Variants in LRRTM4 observed in about 807,000 individuals in gnomAD.
The protein encoded by LRRTM4 is leucine rich repeat transmembrane neuronal 4, also known as leucine-rich repeat transmembrane neuronal protein 4.
LRRTM4 carries 25 observed loss-of-function variants against 47.6 expected under a neutral mutation model. The ratio of observed to expected loss-of-function variants is 0.53; its 90% CI spans 0.38 to 0.73. LRRTM4 has a LOEUF of 0.73. LRRTM4 is among the 30% of genes least tolerant of loss of function. The pLI, the probability that LRRTM4 is intolerant of heterozygous loss-of-function variation, is 0.00. For synonymous variants in LRRTM4, 311 were observed against 269.5 expected (o/e 1.15, Z -1.51); for missense variants, 638 against 713.4 (o/e 0.89, Z 1.20).
At chr2:77,334,967 T>C (rs1235526250) in intron 3 of LRRTM4, among the ~76,000 whole-genome samples, 2 of 152,228 alleles carry the variant, frequency 1.3e-5, no homozygotes, top group African/African-American at 2.4e-5. Flanking sequence ...TAGTAAATGC[T>C]AGTTTCTATT....
At chr2:77,011,531 TTGTGTGTGTG>T (rs56982328) in intron 3 of LRRTM4, among the ~76,000 whole-genome samples, 23,049 of 144,046 alleles carry the variant, frequency 0.16, 1,842 homozygotes, top group Non-Finnish European at 0.18. Context: ...GAAGAAGCAT[TTGTGTGTGTG>T]TGTGTGTGTG....
At chr2:77,138,679 A>C (rs777323692) in intron 3 of LRRTM4, among the ~76,000 whole-genome samples, 9 of 152,104 alleles carry the variant, frequency 5.9e-5, no homozygotes, top group Non-Finnish European at 1.3e-4. Context: ...TCAATGAATC[A>C]ATGAGCTCGT....
chr2:76,845,253 G>A (rs566491441), intron 3 of LRRTM4, among the ~76,000 whole-genome samples: 2 of 152,306 alleles, frequency 1.3e-5, no homozygotes, highest in African/African-American at 4.8e-5. Flanking sequence ...CACTTTGGGA[G>A]GCTGAGGTAG....
chr2:77,093,761 A>C (rs1670724200), intron 3 of LRRTM4, among the ~76,000 whole-genome samples: 1 of 152,004 alleles, frequency 6.6e-6, no homozygotes, highest in South Asian at 2.1e-4. Context: ...ATCACAAAAG[A>C]AGTGAATATG....
In LRRTM4 at chr2:76,913,543, A is replaced by ATTTTTTTTTTTTTTTTTTTTTTTTTTT. The variant is rs58615415; in HGVS notation, c.1552-164628_1552-164627insAAAAAAAAAAAAAAAAAAAAAAAAAAA. Among the ~76,000 whole-genome samples, 3 of 121,488 alleles carry ATTTTTTTTTTTTTTTTTTTTTTTTTTT rather than the reference A, an allele frequency of 2.5e-5. 1 individual carries two copies. Among genetic ancestry groups the ATTTTTTTTTTTTTTTTTTTTTTTTTTT allele is most frequent in the African/African-American group, 6.5e-5 (2 of 30,602 alleles). 79.7% of individuals were successfully genotyped at this position (121,488 alleles called of 152,430 possible). A position where few individuals can be genotyped will look rare whatever the true frequency, so the allele number is the denominator to read the frequency against. On this transcript the variant is annotated intron_variant, in intron 3 of 3. Coordinates refer to ENST00000409884, the MANE Select transcript of LRRTM4 (RefSeq NM_001134745.3). ...CCAAATATTTAGAGATCCTATTTCA[A>ATTTTTTTTTTTTTTTTTTTTTTTTTTT]TTTTTTTTTTTTTTGAGACAGAGTC...
chr2:76,911,399 C>G (rs1398480883), intron 3 of LRRTM4, among the ~76,000 whole-genome samples: 1 of 152,200 alleles, frequency 6.6e-6, no homozygotes, highest in African/African-American at 2.4e-5. Flanking sequence ...GTTACTGTGA[C>G]AGAACCTAAT....
chr2:77,254,049 C>T (rs925457262), intron 3 of LRRTM4, among the ~76,000 whole-genome samples: 1 of 152,006 alleles, frequency 6.6e-6, no homozygotes, highest in Non-Finnish European at 1.5e-5. Flanking sequence ...TATATACACA[C>T]ACATACATCA....
chr2:76,929,648 G>A (rs185855248), intron 3 of LRRTM4, among the ~76,000 whole-genome samples: 6 of 152,084 alleles, frequency 3.9e-5, no homozygotes, highest in African/African-American at 1.4e-4. Context: ...AGTTAAACAA[G>A]TGAAGTCCAG....
intron 3 of LRRTM4, among the ~76,000 whole-genome samples, chr2:77,021,427 G>A (rs552860356): frequency 7.2e-4 from 110 of 152,246 alleles, no homozygotes; most frequent in African/African-American, 2.6e-3. Flanking sequence ...AAGACATCAA[G>A]ATAATGCTTT....
At chr2:77,448,888 G>A (rs1676152217) in intron 3 of LRRTM4, among the ~76,000 whole-genome samples, 1 of 152,154 alleles carries the variant, frequency 6.6e-6, no homozygotes, top group Admixed American at 6.5e-5. Flanking sequence ...TCATTCACAT[G>A]ATATTTGTGG....
At chr2:77,127,224 T>C (rs1572987858) in intron 3 of LRRTM4, among the ~76,000 whole-genome samples, 1 of 152,336 alleles carries the variant, frequency 6.6e-6, no homozygotes, top group Middle Eastern at 3.4e-3. Flanking sequence ...GTTAGTGCTT[T>C]CATAGGATTT....
chr2:77,458,904 G>T (rs1676668712), intron 3 of LRRTM4, among the ~76,000 whole-genome samples: 2 of 151,854 alleles, frequency 1.3e-5, no homozygotes, highest in Admixed American at 6.6e-5. Flanking sequence ...ACATGCAACT[G>T]ATGGGTGAAA....
At chr2:77,003,632 C>T (rs1376015878) in intron 3 of LRRTM4, among the ~76,000 whole-genome samples, 1 of 152,144 alleles carries the variant, frequency 6.6e-6, no homozygotes, top group Admixed American at 6.6e-5. Flanking sequence ...GTTAATTAAA[C>T]CTCTTCCCTT....
chr2:76,849,296 G>C (rs973799149), intron 3 of LRRTM4, among the ~76,000 whole-genome samples: 2 of 152,004 alleles, frequency 1.3e-5, no homozygotes, highest in African/African-American at 4.8e-5. Context: ...AAGAAATTCA[G>C]CATTGTCAGT....
chr2:76,998,870 C>T (rs59946045), intron 3 of LRRTM4, among the ~76,000 whole-genome samples: 2,559 of 151,074 alleles, frequency 0.017, 59 homozygotes, highest in East Asian at 0.081. Flanking sequence ...CAAACACTTT[C>T]AAACTGAACT....
intron 3 of LRRTM4, among the ~76,000 whole-genome samples, chr2:77,391,580 G>T (rs1245828932): frequency 6.6e-6 from 1 of 151,892 alleles, no homozygotes; most frequent in Admixed American, 6.6e-5. Context: ...TACCTCGTAT[G>T]CCAAGAAGTG....
intron 3 of LRRTM4, among the ~76,000 whole-genome samples, chr2:77,262,901 A>G (rs1339360809): frequency 6.6e-6 from 1 of 152,110 alleles, no homozygotes; most frequent in Admixed American, 6.6e-5. Context: ...GTTATTCAGA[A>G]TAAACACCTT....
chr2:77,167,344 A>G (rs539260477), intron 3 of LRRTM4, among the ~76,000 whole-genome samples: 1 of 152,290 alleles, frequency 6.6e-6, no homozygotes, highest in Non-Finnish European at 1.5e-5. Context: ...ACACTATTAC[A>G]CTGTTGGTAG....
At chr2:77,081,683 C>T (rs1680539708) in intron 3 of LRRTM4, among the ~76,000 whole-genome samples, 1 of 152,068 alleles carries the variant, frequency 6.6e-6, no homozygotes, top group Non-Finnish European at 1.5e-5. Flanking sequence ...ATTTCATTAG[C>T]AGTTTATCAG....
Sources: allele counts gnomAD v4.1 joint callset (sites outside exome capture counted in the v4.1 genomes callset), GRCh38; gene constraint gnomAD v4.1.1; transcripts MANE v1.5; gene names NCBI Gene and HGNC (gene_info 2026-07-23, HGNC 2026-07-21).